The following TENM3 variants were observed in gnomAD, a reference collection of about 807,000 sequenced individuals.
TENM3 encodes the protein teneurin-3.
In TENM3, 63 loss-of-function variants were observed where a neutral mutation model predicts 255.1. The observed-to-expected ratio is 0.25, with a 90% confidence interval of 0.20 to 0.30. The LOEUF is 0.30. TENM3 is among the 10% of genes least tolerant of loss of function. The pLI, the probability that TENM3 is intolerant of heterozygous loss-of-function variation, is 1.00. For synonymous variants in TENM3, 1,306 were observed against 1,322.3 expected, an observed-to-expected ratio of 0.99 and a Z score of 0.27; for missense variants, 2,929 against 3,461.1, an observed-to-expected ratio of 0.85 and a Z score of 3.86.
the TENM3 span, among the ~76,000 whole-genome samples, chr4:181,694,398 G>C: frequency 1.3e-5 from 2 of 152,142 alleles, no homozygotes; most frequent in Non-Finnish European, 2.9e-5. Flanking sequence ...CTAGATCTAA[G>C]GATAAAGGGA....
chr4:182,272,777 G>C (rs1759727349), intron 1 of TENM3, among the ~76,000 whole-genome samples: 2 of 152,168 alleles, frequency 1.3e-5, no homozygotes, highest in South Asian at 4.1e-4. Flanking sequence ...AAGTCAGTGT[G>C]CAAGAACATA....
At chr4:182,003,771 C>G in the TENM3 span, among the ~76,000 whole-genome samples, 1 of 152,078 alleles carries the variant, frequency 6.6e-6, no homozygotes, top group African/African-American at 2.4e-5. Context: ...ACACTCTTTT[C>G]TTGCTATATG....
chr4:182,158,607 C>G (rs1269960293), intron 1 of TENM3, among the ~76,000 whole-genome samples: 1 of 152,138 alleles, frequency 6.6e-6, no homozygotes. Flanking sequence ...GGCAGGTCTT[C>G]TGTACAGAAT....
At chr4:182,629,378 TA>T (rs1187406317) in intron 5 of TENM3, among the ~76,000 whole-genome samples, 1 of 152,162 alleles carries the variant, frequency 6.6e-6, no homozygotes, top group Non-Finnish European at 1.5e-5. Context: ...TGGGCGTCCA[TA>T]AAGCAATGAA....
chr4:182,187,088 G>A (rs1753211083), intron 1 of TENM3, among the ~76,000 whole-genome samples: 1 of 151,092 alleles, frequency 6.6e-6, no homozygotes. Context: ...GTTATTCAAA[G>A]CATAAAAAGA....
the TENM3 span, among the ~76,000 whole-genome samples, chr4:181,535,950 T>C: frequency 6.6e-6 from 1 of 152,084 alleles, no homozygotes; most frequent in East Asian, 1.9e-4. Context: ...TCTCCTATAG[T>C]CCTCAACTTT....
At chr4:182,481,346 C>T (rs549341846) in intron 3 of TENM3, among the ~76,000 whole-genome samples, 1 of 152,094 alleles carries the variant, frequency 6.6e-6, no homozygotes, top group African/African-American at 2.4e-5. Flanking sequence ...TTTACTTTAC[C>T]TTGACTTTTC....
the TENM3 span, among the ~76,000 whole-genome samples, chr4:181,686,022 T>C: frequency 1.3e-5 from 2 of 152,180 alleles, no homozygotes; most frequent in African/African-American, 4.8e-5. Flanking sequence ...GGATGACAAA[T>C]GAAAATCATC....
chr4:182,527,269 A>G (rs117521660), intron 3 of TENM3, among the ~76,000 whole-genome samples: 2 of 152,266 alleles, frequency 1.3e-5, no homozygotes, highest in East Asian at 3.9e-4. Context: ...ACTTTCTGAA[A>G]TTGGGATGTA....
intron 5 of TENM3, among the ~76,000 whole-genome samples, chr4:182,646,094 T>G (rs997012614): frequency 6.6e-6 from 1 of 152,212 alleles, no homozygotes; most frequent in Non-Finnish European, 1.5e-5. Context: ...TTTGCATGAT[T>G]ACTGCATGGG....
chr4:181,951,720 A>AG, the TENM3 span, among the ~76,000 whole-genome samples: 2 of 152,236 alleles, frequency 1.3e-5, no homozygotes, highest in African/African-American at 2.4e-5. Context: ...TGGTCAAAAA[A>AG]GTACATTTTT....
At chr4:182,672,614 C>CT (rs1310423664) in intron 6 of TENM3, among the ~76,000 whole-genome samples, 1 of 152,208 alleles carries the variant, frequency 6.6e-6, no homozygotes, top group Non-Finnish European at 1.5e-5. Context: ...TTAATTTACA[C>CT]TTTGCAGTGT....
chr4:182,570,803 C>G (rs1744278855), intron 3 of TENM3, among the ~76,000 whole-genome samples: 1 of 151,142 alleles, frequency 6.6e-6, no homozygotes, highest in South Asian at 2.1e-4. Flanking sequence ...GCAATCCAGC[C>G]TGGGTGACAG....
chr4:181,743,030 T>C, the TENM3 span, among the ~76,000 whole-genome samples: 1 of 152,172 alleles, frequency 6.6e-6, no homozygotes, highest in East Asian at 1.9e-4. Context: ...GGCTGCATAG[T>C]ATTCCATGGT....
chr4:181,583,752 T>C, the TENM3 span, among the ~76,000 whole-genome samples: 1 of 152,230 alleles, frequency 6.6e-6, no homozygotes, highest in Non-Finnish European at 1.5e-5. Context: ...ATTAACTGTG[T>C]CTGTCCTTTC....
At chr4:181,977,980 G>T in the TENM3 span, among the ~76,000 whole-genome samples, 291 of 152,338 alleles carry the variant, frequency 1.9e-3, 2 homozygotes, top group African/African-American at 6.8e-3. Context: ...GGCCTTTCAT[G>T]TTGATTATGA....
At chr4:182,080,828 T>C in the TENM3 span, among the ~76,000 whole-genome samples, 2 of 151,898 alleles carry the variant, frequency 1.3e-5, no homozygotes, top group South Asian at 2.1e-4. Flanking sequence ...CCCGCCTTTA[T>C]AAAAAATTAA....
chr4:182,310,671 GTT>G (rs34944408), intron 1 of TENM3, among the ~76,000 whole-genome samples: 2 of 146,336 alleles, frequency 1.4e-5, no homozygotes, highest in African/African-American at 5.0e-5. Flanking sequence ...GGGGAAGGGT[GTT>G]TTTTTTTTTC....
At chr4:181,471,779 G>A in the TENM3 span, among the ~76,000 whole-genome samples, 1 of 152,236 alleles carries the variant, frequency 6.6e-6, no homozygotes, top group East Asian at 1.9e-4. Context: ...ATATTACCAA[G>A]AAAAGAGCAT....
Sources: gnomAD v4.1 joint callset for allele counts (sites outside exome capture counted in the v4.1 genomes callset) on GRCh38, gnomAD v4.1.1 for gene constraint, MANE v1.5 for transcripts, NCBI Gene and HGNC (gene_info 2026-07-23, HGNC 2026-07-21) for gene names.